Variants in MAGI2 observed in about 807,000 individuals in gnomAD.
MAGI2 encodes membrane associated guanylate kinase, WW and PDZ domain containing 2, also known as membrane-associated guanylate kinase, WW and PDZ domain-containing protein 2.
Under a neutral mutation model 133.3 loss-of-function variants are expected in MAGI2, and 35 were observed. That is an observed-to-expected ratio of 0.26 (90% CI 0.20 to 0.35). MAGI2 has a LOEUF of 0.35. Ranked by LOEUF, MAGI2 falls within the 10% of genes least tolerant of loss-of-function variation. The pLI, the probability that MAGI2 is intolerant of heterozygous loss-of-function variation, is 1.00. For missense variants in MAGI2, 1,636 were observed against 1,863.4 expected (o/e 0.88, Z 2.25); for synonymous variants, 729 against 710.6 (o/e 1.03, Z -0.41).
chr7:78,277,038 C>A (rs1795123471), intron 9 of MAGI2, among the ~76,000 whole-genome samples: 1 of 152,132 alleles, frequency 6.6e-6, no homozygotes, highest in African/African-American at 2.4e-5. Context: ...TCTATTTTTA[C>A]TAATTTAACT....
chr7:78,536,753 G>T (rs55813558), intron 3 of MAGI2, among the ~76,000 whole-genome samples: 2,001 of 107,600 alleles, frequency 0.019, 19 homozygotes, highest in East Asian at 0.039. Context: ...TTTTGTTTTT[G>T]TTGTTGTTTT....
chr7:79,302,841 C>A (rs1404272677), intron 1 of MAGI2, among the ~76,000 whole-genome samples: 1 of 152,120 alleles, frequency 6.6e-6, no homozygotes. Flanking sequence ...CATCAAACAC[C>A]ACATTGCAAC....
intron 2 of MAGI2, among the ~76,000 whole-genome samples, chr7:78,684,035 C>T (rs370263359): frequency 3.3e-5 from 5 of 152,276 alleles, no homozygotes; most frequent in East Asian, 1.9e-4. Context: ...ACCCTCTAAT[C>T]ACGTAAGGTT....
chr7:78,178,535 G>A (rs1426681102), intron 13 of MAGI2, among the ~76,000 whole-genome samples: 2 of 151,850 alleles, frequency 1.3e-5, no homozygotes, highest in Non-Finnish European at 2.9e-5. Flanking sequence ...AGCACTGCCT[G>A]GTAATTTATT....
intron 5 of MAGI2, among the ~76,000 whole-genome samples, chr7:78,493,326 C>G (rs1292907532): frequency 1.3e-5 from 2 of 152,194 alleles, no homozygotes; most frequent in African/African-American, 4.8e-5. Context: ...TCACATAGAA[C>G]ATGCTTCATT....
At chr7:78,720,174 C>A (rs1327424786) in intron 2 of MAGI2, among the ~76,000 whole-genome samples, 1 of 151,986 alleles carries the variant, frequency 6.6e-6, no homozygotes, top group African/African-American at 2.4e-5. Flanking sequence ...TCCTGCCTTC[C>A]TAAGAGGGAT....
At chr7:78,974,735 TC>T (rs983023323) in intron 2 of MAGI2, among the ~76,000 whole-genome samples, 14 of 151,732 alleles carry the variant, frequency 9.2e-5, no homozygotes, top group African/African-American at 3.4e-4. Flanking sequence ...TATTAATCAG[TC>T]AAAAAGCTTT....
At chr7:79,047,795 A>G (rs1223191024) in intron 1 of MAGI2, among the ~76,000 whole-genome samples, 1 of 152,170 alleles carries the variant, frequency 6.6e-6, no homozygotes, top group African/African-American at 2.4e-5. Flanking sequence ...AAGTTCATTC[A>G]TTAAACAATA....
chr7:79,326,724 C>T (rs551230793), intron 1 of MAGI2, among the ~76,000 whole-genome samples: 6 of 151,402 alleles, frequency 4.0e-5, no homozygotes, highest in African/African-American at 1.5e-4. Context: ...TACAGGGCCA[C>T]ATTTAAAAGC....
chr7:78,854,747 C>T (rs185369245), intron 2 of MAGI2, among the ~76,000 whole-genome samples: 38 of 151,870 alleles, frequency 2.5e-4, no homozygotes, highest in Admixed American at 2.1e-3. Context: ...TTACTTTGTC[C>T]AATGCATTAT....
chr7:78,556,924 T>C (rs1799876059), intron 3 of MAGI2, among the ~76,000 whole-genome samples: 1 of 64,594 alleles, frequency 1.5e-5, no homozygotes, highest in Non-Finnish European at 3.2e-5. Flanking sequence ...CCGTCTCTAC[T>C]AAAAATAAAA....
intron 2 of MAGI2, among the ~76,000 whole-genome samples, chr7:78,909,092 A>G (rs1426634168): frequency 1.3e-5 from 2 of 151,528 alleles, no homozygotes; most frequent in African/African-American, 4.8e-5. Flanking sequence ...TCCAGAATCT[A>G]CAAGGAACTT....
chr7:78,218,996 ATCT>A (rs1476101912), intron 10 of MAGI2, among the ~76,000 whole-genome samples: 3 of 152,102 alleles, frequency 2.0e-5, no homozygotes, highest in Non-Finnish European at 2.9e-5. Context: ...CTGGAACATT[ATCT>A]TCTTTGCTAT....
intron 1 of MAGI2, among the ~76,000 whole-genome samples, chr7:79,426,024 C>T (rs188065220): frequency 1.3e-5 from 2 of 152,248 alleles, no homozygotes; most frequent in East Asian, 1.9e-4. Flanking sequence ...AGAATCTAAT[C>T]GGATGGTCTT....
chr7:78,093,039 G>T (rs1250336520), intron 20 of MAGI2, among the ~76,000 whole-genome samples: 3 of 150,386 alleles, frequency 2.0e-5, no homozygotes, highest in Non-Finnish European at 4.4e-5. Flanking sequence ...AGGAGGCTGA[G>T]GCAGGAGAAT....
intron 2 of MAGI2, among the ~76,000 whole-genome samples, chr7:78,862,646 G>A (rs533828430): frequency 1.3e-5 from 2 of 152,282 alleles, no homozygotes; most frequent in Admixed American, 1.3e-4. Context: ...CTCAAGCATA[G>A]AGTTAATTCG....
At chr7:78,865,032 C>T (rs1794439684) in intron 2 of MAGI2, among the ~76,000 whole-genome samples, 1 of 152,100 alleles carries the variant, frequency 6.6e-6, no homozygotes, top group South Asian at 2.1e-4. Context: ...TAGAGTATTG[C>T]TAATCAGGGC....
intron 2 of MAGI2, among the ~76,000 whole-genome samples, chr7:78,758,146 C>T (rs1259818833): frequency 6.6e-6 from 1 of 152,106 alleles, no homozygotes; most frequent in Non-Finnish European, 1.5e-5. Context: ...CTTTTTCCTA[C>T]TTATTTTATT....
chr7:78,239,693 A>G (rs1212777904), intron 10 of MAGI2, among the ~76,000 whole-genome samples: 3 of 152,252 alleles, frequency 2.0e-5, no homozygotes, highest in African/African-American at 7.2e-5. Context: ...ATGCAAATCA[A>G]AACCACAAGG....
Sources: allele counts gnomAD v4.1 joint callset (sites outside exome capture counted in the v4.1 genomes callset), GRCh38; gene constraint gnomAD v4.1.1; transcripts MANE v1.5; gene names NCBI Gene and HGNC (gene_info 2026-07-23, HGNC 2026-07-21).